CFAP251: variants seen among roughly 807,000 people sequenced by gnomAD.
The protein encoded by CFAP251 is cilia- and flagella-associated protein 251.
Under a neutral mutation model 126.7 loss-of-function variants are expected in CFAP251, and 93 were observed. The ratio of observed to expected loss-of-function variants is 0.73; its 90% CI spans 0.62 to 0.87. The LOEUF (loss-of-function observed/expected upper bound fraction) is 0.87, where lower values mean the gene tolerates loss of function less well. Ranked by LOEUF, CFAP251 falls within the 40% of genes least tolerant of loss-of-function variation. The probability of loss-of-function intolerance (pLI) is 0.00; values close to 1 mark genes in which losing one functional copy is unlikely to be tolerated. For synonymous variants in CFAP251, 503 were observed against 506.9 expected (o/e 0.99, Z 0.10); for missense variants, 1,287 against 1,389.2 (o/e 0.93, Z 1.17).
Position 121,928,704 on chromosome 12 carries a change from A to ATAT in CFAP251, c.748-3041_748-3040insATT, listed in dbSNP as rs1414832664. 1.6e-3 allele frequency among the ~76,000 whole-genome samples: 97 copies of ATAT among 60,342 alleles called. 4 individuals carry two copies. The Middle Eastern group carries it at 0.039, about 24-fold the overall frequency. 39.6% of individuals were successfully genotyped at this position (60,342 alleles called of 152,430 possible). On this transcript the variant is annotated intron_variant, in intron 3 of 21. Coordinates refer to ENST00000288912, the MANE Select transcript of CFAP251 (RefSeq NM_144668.6). ...TATATATATACGTATATATATATAT[A>ATAT]TTTTTTTTTTGAGACAGGGTCTTGC...
intron 15 of CFAP251, 50 bp downstream of exon 15, chr12:121,962,212 C>A: frequency 6.4e-7 from 1 of 1,563,754 alleles, no homozygotes; most frequent in Non-Finnish European, 8.7e-7. Flanking sequence ...AAGTTCTCTG[C>A]CCCCAACCTG....
At chr12:121,952,893 T>C (rs1220534497) in intron 9 of CFAP251, 1 of 152,244 alleles carries the variant, frequency 6.6e-6, no homozygotes, top group Admixed American at 6.5e-5. Flanking sequence ...TTATGTTATA[T>C]AAAGTCTCTG....
At chr12:121,928,178 C>T (rs1007519279) in intron 3 of CFAP251, among the ~76,000 whole-genome samples, 16 of 152,102 alleles carry the variant, frequency 1.1e-4, no homozygotes, top group African/African-American at 3.9e-4. Context: ...AATAAATTTC[C>T]AGGAAGATGA....
rs75869721 is a variant in CFAP251, at chr12:121,927,724, C to A, written c.747+3734C>A. On this transcript the variant is annotated intron_variant, in intron 3 of 21. Transcript: ENST00000288912. Reference sequence around the variant, plus strand: ...ATCTCTCCTGTGTCCACAGCATCCTCCTTTTCCTTTGGGGTCCTCTCCTTA... The same window carrying A: ...ATCTCTCCTGTGTCCACAGCATCCTACTTTTCCTTTGGGGTCCTCTCCTTA... 1.8e-4 allele frequency among the ~76,000 whole-genome samples: 27 copies of A among 152,348 alleles called. No individual in the cohort carries two copies. In the East Asian group the frequency reaches 4.2e-3, roughly 24 times the overall value.
intron 3 of CFAP251, among the ~76,000 whole-genome samples, 199 bp from the exon 4 acceptor site, chr12:121,931,547 A>T (rs1254838776): frequency 6.6e-6 from 1 of 152,162 alleles, no homozygotes; most frequent in Non-Finnish European, 1.5e-5. Context: ...TCCCGACTTC[A>T]GGTAATCCAC....
intron 8 of CFAP251, chr12:121,950,601 A>C (rs1365224760): frequency 6.6e-6 from 1 of 152,114 alleles, no homozygotes; most frequent in Non-Finnish European, 1.5e-5. Flanking sequence ...TCTGTCATCC[A>C]GGCTGCAGTG....
intron 7 of CFAP251, chr12:121,947,796 T>A (rs1881374982): frequency 6.6e-6 from 1 of 152,236 alleles, no homozygotes; most frequent in African/African-American, 2.4e-5. Context: ...TTGTGAAGTC[T>A]GCCTCATGCA....
rs538163993 is a variant in CFAP251, at chr12:121,975,083, G to T, written c.2772-161G>T. On this transcript the variant is annotated intron_variant, in intron 17 of 21. Transcript: ENST00000288912. ...GCTTGAAATGGAATTTTCTGGTTTG[G>T]GCTTCATTTTAAAGGACCTTTTCTT... 2.6e-5 allele frequency among the ~76,000 whole-genome samples: 4 copies of T among 152,234 alleles called. No individual in the cohort carries two copies. In the South Asian group the frequency reaches 8.3e-4, roughly 32 times the overall value.
intron 5 of CFAP251, among the ~76,000 whole-genome samples, chr12:121,938,795 C>T (rs1224596035): frequency 6.6e-6 from 1 of 150,570 alleles, no homozygotes; most frequent in Non-Finnish European, 1.5e-5. Flanking sequence ...CCAGCCTGGC[C>T]AACATGGTGA....
At chr12:121,965,217 A>G (rs1882080497) in intron 15 of CFAP251, among the ~76,000 whole-genome samples, 1 of 152,262 alleles carries the variant, frequency 6.6e-6, no homozygotes, top group Admixed American at 6.5e-5. Context: ...TAGTATGTCA[A>G]AGATGCAAAT....
Position 122,003,810 on chromosome 12 carries a change from C to G in CFAP251, c.*46C>G. Reference sequence around the variant, plus strand: ...GCACAAAGGACTTTGGGTGTGTGTGCATGCACATGTGTGTGTTTTCCATGA... The same window carrying G: ...GCACAAAGGACTTTGGGTGTGTGTGGATGCACATGTGTGTGTTTTCCATGA... On this transcript the variant is annotated 3_prime_UTR_variant, in exon 22 of 22. Coordinates refer to ENST00000288912, the MANE Select transcript of CFAP251 (RefSeq NM_144668.6). The G allele has an allele frequency of 7.0e-7, 1 of 1,431,800 alleles. No homozygotes were observed. Among genetic ancestry groups the G allele is most frequent in the Middle Eastern group, 1.8e-4 (1 of 5,628 alleles). The allele number at this position is 1,431,800 out of a possible 1,614,324, so 88.7% of individuals were successfully genotyped here.
chr12:121,969,777 A>G, intron 17 of CFAP251: 2 of 985,456 alleles, frequency 2.0e-6, no homozygotes, highest in Non-Finnish European at 2.4e-6. Flanking sequence ...GCACCCAGCT[A>G]GAACCTTCCT....
intron 19 of CFAP251, chr12:121,997,725 C>T (rs564390902): frequency 7.3e-5 from 11 of 150,668 alleles, no homozygotes; most frequent in Middle Eastern, 3.4e-3. Context: ...GTGCTGTTCA[C>T]TGCTAGTGTG....
intron 19 of CFAP251, among the ~76,000 whole-genome samples, chr12:121,987,703 G>C (rs904569989): frequency 7.0e-6 from 1 of 143,002 alleles, no homozygotes; most frequent in Admixed American, 7.2e-5. Context: ...CAAGAAAAGC[G>C]AGACTCCGTC....
At chr12:121,947,001 C>T (rs1044780344) in intron 7 of CFAP251, among the ~76,000 whole-genome samples, 2 of 152,168 alleles carry the variant, frequency 1.3e-5, no homozygotes, top group African/African-American at 4.8e-5. Context: ...TTGGAAAATT[C>T]TCAGCCATTA....
At chr12:121,933,837 G>A (rs1238796888) in intron 4 of CFAP251, among the ~76,000 whole-genome samples, 8 of 152,080 alleles carry the variant, frequency 5.3e-5, no homozygotes, top group African/African-American at 1.9e-4. Flanking sequence ...AAAAAGAGTG[G>A]GAGTAGAGAG....
In CFAP251 at chr12:121,960,718, A is replaced by G. The variant is rs1313890479; in HGVS notation, c.2267A>G (p.Asn756Ser). ...CTGTTTGGGGTTTACCTGGACAGCA[A>G]TGAGCCTAGACTGCTGAGCCTTGGG... ...SLLFGVYLDS[N>S]EPRLLSLGTD... is the part of the protein sequence containing the mutation. The change falls in exon 14 of 22, where the codon AAT becomes AGT. Residue 756 changes from asparagine (N) to serine (S), a missense_variant. Physicochemically the swap from Asn to Ser is conservative, Grantham distance 46. Transcript: ENST00000288912. The G allele has an allele frequency of 4.3e-6, 7 of 1,613,718 alleles. No individual in the cohort carries two copies. Among genetic ancestry groups the G allele is most frequent in the South Asian group, 1.1e-5 (1 of 91,066 alleles).
chr12:121,938,985 T>TA (rs11337763), intron 5 of CFAP251, among the ~76,000 whole-genome samples: 33 of 147,072 alleles, frequency 2.2e-4, no homozygotes, highest in South Asian at 1.3e-3. Context: ...AGAATTCATC[T>TA]AAAAAAAAAA....
chr12:121,952,509 CATG>C (rs1434179846), intron 9 of CFAP251, among the ~76,000 whole-genome samples: 1 of 151,706 alleles, frequency 6.6e-6, no homozygotes, highest in Admixed American at 6.6e-5. Flanking sequence ...CAGAATAATA[CATG>C]ATATTAGGTA....
Sources: allele counts gnomAD v4.1 joint callset (sites outside exome capture counted in the v4.1 genomes callset), GRCh38; gene constraint gnomAD v4.1.1; transcripts MANE v1.5; gene names NCBI Gene and HGNC (gene_info 2026-07-23, HGNC 2026-07-21).